C19orf47: variants seen among roughly 807,000 people sequenced by gnomAD.
C19orf47 encodes the protein chromosome 19 open reading frame 47, also known as uncharacterized protein C19orf47.
Under a neutral mutation model 32.3 loss-of-function variants are expected in C19orf47, and 18 were observed. The ratio of observed to expected loss-of-function variants is 0.56; its 90% CI spans 0.39 to 0.83. The LOEUF is 0.83. Among genes scored for constraint, C19orf47 ranks in the 40% least tolerant of loss-of-function variants. The probability of loss-of-function intolerance (pLI) is 0.00; values close to 1 mark genes in which losing one functional copy is unlikely to be tolerated. For synonymous variants in C19orf47, 202 were observed against 211.1 expected (o/e 0.96, Z 0.37); for missense variants, 484 against 531.6 (o/e 0.91, Z 0.88).
rs965319339 is a variant in C19orf47, at chr19:40,321,191, G to A, written c.*691C>T. 9 of 970,034 alleles carry A rather than the reference G, an allele frequency of 9.3e-6. No individual in the cohort carries two copies. The African/African-American group carries it at 1.6e-4, about 17-fold the overall frequency. The allele number at this position is 970,034 out of a possible 1,614,324, so 60.1% of individuals were successfully genotyped here. A position where few individuals can be genotyped will look rare whatever the true frequency, so the allele number is the denominator to read the frequency against. ...GACAGATGCCCAGGGCAGGAAAACG[G>A]ATGCGCCTCAGCCGCAGCCCAGGGT... is the stretch of plus-strand genomic sequence containing the variant. On this transcript the variant is annotated 3_prime_UTR_variant, in exon 9 of 9. Transcript: ENST00000683109.
At chr19:40,334,059 A>G in intron 4 of C19orf47, 130 bp from the exon 5 acceptor site, 1 of 599,594 alleles carries the variant, frequency 1.7e-6, no homozygotes, top group Non-Finnish European at 2.8e-6. Flanking sequence ...TCCTAACCAT[A>G]AGAAAGCATC....
intron 2 of C19orf47, among the ~76,000 whole-genome samples, chr19:40,340,478 C>T (rs10420842): frequency 0.17 from 25,665 of 149,696 alleles, 2,345 homozygotes; most frequent in African/African-American, 0.22. Flanking sequence ...GTCAAGAGAT[C>T]GAGACCATCC....
chr19:40,333,172 C>T (rs1469886186), intron 5 of C19orf47, among the ~76,000 whole-genome samples: 3 of 151,420 alleles, frequency 2.0e-5, no homozygotes, highest in African/African-American at 4.9e-5. Flanking sequence ...GCAGGAGGAT[C>T]GCTTGAACCC....
intron 1 of C19orf47, chr19:40,342,549 G>A (rs2078198106): frequency 6.6e-6 from 1 of 152,568 alleles, no homozygotes; most frequent in Non-Finnish European, 1.5e-5. Flanking sequence ...TTAGCAGCTA[G>A]CTGGGTACAG....
intron 8 of C19orf47, among the ~76,000 whole-genome samples, chr19:40,322,593 G>A (rs1349860467): frequency 6.6e-6 from 1 of 152,078 alleles, no homozygotes; most frequent in Admixed American, 6.5e-5. Context: ...CAGGGAGGGC[G>A]CCCTGAGAGG....
chr19:40,345,873 G>C (rs1467902376), intron 1 of C19orf47, among the ~76,000 whole-genome samples: 1 of 115,820 alleles, frequency 8.6e-6, no homozygotes, highest in African/African-American at 3.3e-5. Flanking sequence ...AAAAAGGAAA[G>C]GTGGCTGGGC....
At chr19:40,305,886 C>T in the C19orf47 span, among the ~76,000 whole-genome samples, 2 of 152,056 alleles carry the variant, frequency 1.3e-5, no homozygotes, top group Non-Finnish European at 2.9e-5. Context: ...TGGTGACCCA[C>T]GCCTGGAATC....
At chr19:40,328,028 AGAG>A (rs1454402354) in intron 6 of C19orf47, among the ~76,000 whole-genome samples, 1 of 152,146 alleles carries the variant, frequency 6.6e-6, no homozygotes, top group Non-Finnish European at 1.5e-5. Flanking sequence ...TTGGCTGCTA[AGAG>A]GAGGCAAGAG....
chr19:40,341,387 T>C (rs1297463088), intron 2 of C19orf47, among the ~76,000 whole-genome samples: 1 of 151,904 alleles, frequency 6.6e-6, no homozygotes, highest in Admixed American at 6.6e-5. Flanking sequence ...TTATAATAAA[T>C]GTCAAAATTT....
the C19orf47 span, among the ~76,000 whole-genome samples, chr19:40,298,031 C>G: frequency 6.7e-6 from 1 of 148,760 alleles, no homozygotes; most frequent in Non-Finnish European, 1.5e-5. Flanking sequence ...CAGAGTGACA[C>G]TCTGTCTCAA....
intron 7 of C19orf47, among the ~76,000 whole-genome samples, chr19:40,325,178 G>A (rs1440795166): frequency 6.6e-6 from 1 of 151,536 alleles, no homozygotes; most frequent in African/African-American, 2.4e-5. Flanking sequence ...ACTGAGGCAG[G>A]AGAATCACTT....
chr19:40,346,755 T>C (rs533859759), intron 1 of C19orf47, among the ~76,000 whole-genome samples: 1 of 152,082 alleles, frequency 6.6e-6, no homozygotes, highest in African/African-American at 2.4e-5. Context: ...CTCTATCTCC[T>C]GACCTCGTGA....
At chr19:40,309,888 G>A in the C19orf47 span, among the ~76,000 whole-genome samples, 1 of 152,142 alleles carries the variant, frequency 6.6e-6, no homozygotes, top group Non-Finnish European at 1.5e-5. Flanking sequence ...TGAGGATGTG[G>A]AGAAAATGGG....
chr19:40,306,066 G>A, the C19orf47 span, among the ~76,000 whole-genome samples: 2 of 147,790 alleles, frequency 1.4e-5, no homozygotes, highest in Admixed American at 7.0e-5. Flanking sequence ...CAGGAGAATC[G>A]CTTGAACCCA....
In C19orf47 at chr19:40,348,342, G is replaced by A. The variant is rs2078373796; in HGVS notation, c.-52C>T. The A allele has an allele frequency of 6.7e-6, 9 of 1,338,696 alleles. No individual in the cohort carries two copies. In the Admixed American group the frequency reaches 2.1e-4, roughly 32 times the overall value. 82.9% of individuals were successfully genotyped at this position (1,338,696 alleles called of 1,614,324 possible). ...GCCTCACCTGGCCCACCGGGCCCGC[G>A]CCCACTCGCGCCGCCCGCCCTCCCT... is the stretch of plus-strand genomic sequence containing the variant. On this transcript the variant is annotated 5_prime_UTR_variant, in exon 1 of 9. Transcript: ENST00000683109.
intron 2 of C19orf47, among the ~76,000 whole-genome samples, chr19:40,337,795 G>C (rs2078094944): frequency 1.3e-5 from 2 of 152,100 alleles, no homozygotes; most frequent in South Asian, 4.1e-4. Context: ...CCAGGGTGCT[G>C]ACTGGCCCTT....
At chr19:40,298,301 C>CAA in the C19orf47 span, among the ~76,000 whole-genome samples, 6 of 71,030 alleles carry the variant, frequency 8.4e-5, no homozygotes, top group South Asian at 4.6e-4. Context: ...AACATTGTCT[C>CAA]AAAAAAAAAA....
In C19orf47 at chr19:40,321,697, G is replaced by T. The variant is rs1186707993; in HGVS notation, c.*185C>A. The T allele has an allele frequency of 1.1e-5, 15 of 1,419,462 alleles. No homozygotes were observed. The highest frequency in any genetic ancestry group is 1.3e-5 in the Non-Finnish European group (14 of 1,092,626). 87.9% of individuals were successfully genotyped at this position (1,419,462 alleles called of 1,614,324 possible). Reference sequence around the variant, plus strand: ...AGTCCTGGAGCAGGCCAGGCCAGCTGCGACGACCATCCCAGGCTAGGAGAA... The same window carrying T: ...AGTCCTGGAGCAGGCCAGGCCAGCTTCGACGACCATCCCAGGCTAGGAGAA... On this transcript the variant is annotated 3_prime_UTR_variant, in exon 9 of 9. Coordinates refer to ENST00000683109, the MANE Select transcript of C19orf47 (RefSeq NM_001256441.2).
chr19:40,306,012 G>A, the C19orf47 span, among the ~76,000 whole-genome samples: 3 of 152,032 alleles, frequency 2.0e-5, no homozygotes, highest in East Asian at 3.9e-4. Context: ...TTAGCCGGAC[G>A]TGGTGGTGGG....
Sources: allele counts gnomAD v4.1 joint callset (sites outside exome capture counted in the v4.1 genomes callset), GRCh38; gene constraint gnomAD v4.1.1; transcripts MANE v1.5; gene names NCBI Gene and HGNC (gene_info 2026-07-23, HGNC 2026-07-21).